Variants in ST3GAL5 observed in about 807,000 individuals in gnomAD.
ST3GAL5 encodes the protein ST3 beta-galactoside alpha-2,3-sialyltransferase 5.
ST3GAL5 carries 25 observed loss-of-function variants against 46.1 expected under a neutral mutation model. That is an observed-to-expected ratio of 0.54 (90% CI 0.40 to 0.76). The LOEUF (loss-of-function observed/expected upper bound fraction) is 0.76. Among genes scored for constraint, ST3GAL5 ranks in the 30% least tolerant of loss-of-function variants. ST3GAL5 has a pLI of 0.00. For synonymous variants in ST3GAL5, 182 were observed against 192.7 expected, an observed-to-expected ratio of 0.94 and a Z score of 0.46; for missense variants, 431 against 521.2, an observed-to-expected ratio of 0.83 and a Z score of 1.69.
At position 85,840,068 on chromosome 2, in the gene ST3GAL5, G is replaced by A. The variant is rs1681824742; in HGVS notation, c.*76C>T. The A allele has an allele frequency of 6.2e-7, 1 of 1,604,934 alleles. No individual in the cohort carries two copies. The highest frequency in any genetic ancestry group is 1.3e-5 in the African/African-American group (1 of 74,774). ...CTGCACTTCAAAGTATCTGCAGGATGGAGAAATACATCAAGAAGGCTGTCA... is the reference window on the plus strand; with the variant it reads ...CTGCACTTCAAAGTATCTGCAGGATAGAGAAATACATCAAGAAGGCTGTCA... On this transcript the variant is annotated 3_prime_UTR_variant, in exon 7 of 7. Transcript: ENST00000638572.
rs909864963 is a variant in ST3GAL5, at chr2:85,838,967, G to C, written c.*1177C>G. On this transcript the variant is annotated 3_prime_UTR_variant, in exon 7 of 7. Transcript: ENST00000638572. ...TTGGGGAGGAAGCCACCGACACCCA[G>C]CATCTCTTCAGAAGGGTTCACAGTT... The C allele has an allele frequency of 1.3e-5, 2 of 152,448 alleles. No individual in the cohort carries two copies. The highest frequency in any genetic ancestry group is 2.9e-5 in the Non-Finnish European group (2 of 68,260). 9.4% of individuals were successfully genotyped at this position (152,448 alleles called of 1,614,324 possible). A position where few individuals can be genotyped will look rare whatever the true frequency, so the allele number is the denominator to read the frequency against.
intron 1 of ST3GAL5, among the ~76,000 whole-genome samples, chr2:85,877,038 T>C (rs1158105875): frequency 6.6e-6 from 1 of 152,254 alleles, no homozygotes; most frequent in African/African-American, 2.4e-5. Context: ...TTTACCACAT[T>C]TGTGCTGCCA....
At chr2:85,851,613 T>C in intron 3 of ST3GAL5, 3 of 1,289,486 alleles carry the variant, frequency 2.3e-6, no homozygotes, top group Non-Finnish European at 3.0e-6. Flanking sequence ...AACCGGCATC[T>C]GCTTCAGCTG....
At chr2:85,868,232 G>C (rs1353626098) in intron 1 of ST3GAL5, among the ~76,000 whole-genome samples, 1 of 152,228 alleles carries the variant, frequency 6.6e-6, no homozygotes, top group Non-Finnish European at 1.5e-5. Context: ...TGGATTACAT[G>C]AACATTGAAT....
chr2:85,851,293 G>C, intron 3 of ST3GAL5: 2 of 1,141,302 alleles, frequency 1.8e-6, no homozygotes, highest in Non-Finnish European at 1.1e-6. Flanking sequence ...CTGCGCCTAA[G>C]TGACAGTGGA....
At chr2:85,864,655 G>A (rs1249383500) in intron 1 of ST3GAL5, among the ~76,000 whole-genome samples, 1 of 151,740 alleles carries the variant, frequency 6.6e-6, no homozygotes, top group African/African-American at 2.4e-5. Flanking sequence ...TTGTGTGCCT[G>A]CCTATTTATT....
In ST3GAL5 at chr2:85,861,338, C is replaced by T. The variant is rs747490812; in HGVS notation, c.207-46G>A. The T allele has an allele frequency of 4.9e-6, 6 of 1,226,224 alleles. No individual in the cohort carries two copies. In the East Asian group the frequency reaches 1.4e-4, roughly 28 times the overall value. 76.0% of individuals were successfully genotyped at this position (1,226,224 alleles called of 1,614,324 possible). A position where few individuals can be genotyped will look rare whatever the true frequency, so the allele number is the denominator to read the frequency against. On this transcript the variant is annotated intron_variant, in intron 2 of 6. Coordinates refer to ENST00000638572, the MANE Select transcript of ST3GAL5 (RefSeq NM_003896.4). Reference sequence around the variant, plus strand: ...TATTATGATGTAGTCATGTGAGAATCATGAGATGCAATGTGAAACTGAAAA... The same window carrying T: ...TATTATGATGTAGTCATGTGAGAATTATGAGATGCAATGTGAAACTGAAAA...
At chr2:85,852,219 G>A (rs1001951424) in intron 3 of ST3GAL5, among the ~76,000 whole-genome samples, 2 of 152,172 alleles carry the variant, frequency 1.3e-5, no homozygotes, top group South Asian at 2.1e-4. Context: ...AAGAAAACTT[G>A]TGTCTGGCAT....
chr2:85,843,287 T>G (rs528449304), intron 6 of ST3GAL5, among the ~76,000 whole-genome samples: 42 of 152,330 alleles, frequency 2.8e-4, no homozygotes, highest in African/African-American at 7.2e-4. Flanking sequence ...ATGTTTTTAG[T>G]GTAAAATTGG....
chr2:85,877,608 A>G (rs980777160), intron 1 of ST3GAL5, among the ~76,000 whole-genome samples: 1 of 152,228 alleles, frequency 6.6e-6, no homozygotes, highest in Non-Finnish European at 1.5e-5. Flanking sequence ...TCCACTGTCG[A>G]GTTGACTATT....
chr2:85,862,653 C>A (rs915134975), intron 2 of ST3GAL5, among the ~76,000 whole-genome samples: 1 of 152,188 alleles, frequency 6.6e-6, no homozygotes, highest in Non-Finnish European at 1.5e-5. Context: ...TGGCTGGCGC[C>A]CAGCATGACG....
intron 3 of ST3GAL5, among the ~76,000 whole-genome samples, chr2:85,858,572 G>T (rs1558672453): frequency 6.6e-6 from 1 of 152,168 alleles, no homozygotes; most frequent in Non-Finnish European, 1.5e-5. Flanking sequence ...GCCTCCCAAG[G>T]TGCTGGGATT....
At position 85,888,952 on chromosome 2, in the gene ST3GAL5, C is replaced by A; in HGVS notation, c.-47G>T. The A allele has an allele frequency of 1.6e-6, 2 of 1,252,324 alleles. No homozygotes were observed. The highest frequency in any genetic ancestry group is 1.0e-6 in the Non-Finnish European group (1 of 994,206). The allele number at this position is 1,252,324 out of a possible 1,614,324, so 77.6% of individuals were successfully genotyped here. A position where few individuals can be genotyped will look rare whatever the true frequency, so the allele number is the denominator to read the frequency against. On this transcript the variant is annotated 5_prime_UTR_variant, in exon 1 of 7. Transcript: ENST00000638572. ...GGCCGCCAGCCCGGTACCCCGCGCC[C>A]CCACCCGCCCCCAGCGCCGCTCTCG...
At chr2:85,843,062 GT>G (rs2103927134) in intron 6 of ST3GAL5, among the ~76,000 whole-genome samples, 2 of 152,158 alleles carry the variant, frequency 1.3e-5, no homozygotes, top group Admixed American at 1.3e-4. Context: ...CCAGCCTAGT[GT>G]TTTGTATGTT....
intron 1 of ST3GAL5, chr2:85,870,146 T>C (rs1685764039): frequency 2.1e-6 from 1 of 465,498 alleles, no homozygotes; most frequent in Non-Finnish European, 4.5e-6. Flanking sequence ...AGACATGTGA[T>C]TCTTCATAAG....
At chr2:85,871,106 T>C (rs973478603) in intron 1 of ST3GAL5, among the ~76,000 whole-genome samples, 1 of 151,348 alleles carries the variant, frequency 6.6e-6, no homozygotes, top group Non-Finnish European at 1.5e-5. Context: ...GGTGCAATCA[T>C]GGCTCACCGC....
intron 2 of ST3GAL5, among the ~76,000 whole-genome samples, chr2:85,862,616 C>T (rs1012482784): frequency 6.6e-6 from 1 of 152,188 alleles, no homozygotes. Context: ...CAGCACAGGG[C>T]GCAGGTCTAT....
chr2:85,885,990 G>C (rs1384519724), intron 1 of ST3GAL5, among the ~76,000 whole-genome samples: 1 of 152,188 alleles, frequency 6.6e-6, no homozygotes, highest in Non-Finnish European at 1.5e-5. Context: ...GACAAATGCT[G>C]CAAACTGCCC....
intron 3 of ST3GAL5, chr2:85,855,922 T>G (rs1271035459): frequency 6.6e-6 from 1 of 152,090 alleles, no homozygotes; most frequent in African/African-American, 2.4e-5. Context: ...AGGATGACAG[T>G]AGTAAAAAAG....
Sources: gnomAD v4.1 joint callset for allele counts (sites outside exome capture counted in the v4.1 genomes callset) on GRCh38, gnomAD v4.1.1 for gene constraint, MANE v1.5 for transcripts, NCBI Gene and HGNC (gene_info 2026-07-23, HGNC 2026-07-21) for gene names.